Variants in ZNF131 observed in about 807,000 individuals in gnomAD.
The protein encoded by ZNF131 is zinc finger and BTB domain containing 35.
Under a neutral mutation model 60.0 loss-of-function variants are expected in ZNF131, and 7 were observed. The ratio of observed to expected loss-of-function variants is 0.12; its 90% CI spans 0.07 to 0.22. The LOEUF is 0.22. ZNF131 is among the 10% of genes least tolerant of loss of function. The pLI, the probability that ZNF131 is intolerant of heterozygous loss-of-function variation, is 1.00. For missense variants in ZNF131, 493 were observed against 740.9 expected, an observed-to-expected ratio of 0.67 and a Z score of 3.88; for synonymous variants, 257 against 253.2, an observed-to-expected ratio of 1.01 and a Z score of -0.14.
chr5:43,149,712 C>G (rs1051436182), intron 4 of ZNF131, among the ~76,000 whole-genome samples: 3 of 151,874 alleles, frequency 2.0e-5, no homozygotes, highest in African/African-American at 7.3e-5. Context: ...TATGGTCAGG[C>G]TTTTTTTTAT....
rs6864539 is a variant in ZNF131 at position 43,170,434 on chromosome 5, C to T, written c.1055-2884C>T. On this transcript the variant is annotated intron_variant, in intron 5 of 6. Transcript: ENST00000682664. ...TCCTGGAATCATTCAGTTATTTACT[C>T]CTACCTGCTGGTTGCTGAGGACTGC... Among the ~76,000 whole-genome samples, 706 of 152,304 alleles carry T rather than the reference C, an allele frequency of 4.6e-3. 5 individuals carry two copies. The highest frequency in any genetic ancestry group is 0.016 in the African/African-American group (680 of 41,562).
At chr5:43,158,199 C>A (rs192422897) in intron 4 of ZNF131, among the ~76,000 whole-genome samples, 10 of 152,348 alleles carry the variant, frequency 6.6e-5, no homozygotes, top group African/African-American at 2.4e-4. Flanking sequence ...AACTCCCGAC[C>A]TCAGTTGATC....
chr5:43,166,724 CGGCTCACTGCA>C (rs2112035194), intron 5 of ZNF131, among the ~76,000 whole-genome samples: 1 of 152,052 alleles, frequency 6.6e-6, no homozygotes, highest in South Asian at 2.1e-4. Context: ...GGCGTGATCT[CGGCTCACTGCA>C]ACCTCTGCCT....
chr5:43,137,247 A>C (rs768023468), intron 3 of ZNF131, among the ~76,000 whole-genome samples: 10 of 152,150 alleles, frequency 6.6e-5, no homozygotes, highest in Non-Finnish European at 1.2e-4. Flanking sequence ...ACAGCAAAGG[A>C]AACAACTGAG....
chr5:43,142,397 C>T (rs997792848), intron 4 of ZNF131, among the ~76,000 whole-genome samples: 16 of 145,830 alleles, frequency 1.1e-4, no homozygotes, highest in Non-Finnish European at 1.8e-4. Context: ...CCGCCTCCCC[C>T]GGGTTCAAGC....
At chr5:43,128,750 G>A (rs1323906683) in intron 3 of ZNF131, among the ~76,000 whole-genome samples, 3 of 151,252 alleles carry the variant, frequency 2.0e-5, no homozygotes, top group African/African-American at 7.3e-5. Flanking sequence ...CAAAGATCAG[G>A]TACCAGTACT....
intron 3 of ZNF131, among the ~76,000 whole-genome samples, chr5:43,129,071 T>C (rs1744966083): frequency 6.6e-6 from 1 of 152,122 alleles, no homozygotes; most frequent in Non-Finnish European, 1.5e-5. Context: ...GTAGCTGGAA[T>C]TAAGGCTCCC....
At chr5:43,163,354 T>C (rs1000591150) in intron 5 of ZNF131, among the ~76,000 whole-genome samples, 12 of 152,220 alleles carry the variant, frequency 7.9e-5, no homozygotes, top group Non-Finnish European at 1.3e-4. Flanking sequence ...TGTTCATCTC[T>C]CTCCACCTTT....
intron 4 of ZNF131, among the ~76,000 whole-genome samples, chr5:43,156,715 C>G (rs1159696804): frequency 1.3e-5 from 2 of 152,126 alleles, no homozygotes; most frequent in South Asian, 4.1e-4. Context: ...TGACTTGACT[C>G]AGGTTTGACT....
In ZNF131 at chr5:43,174,923, A is replaced by G. The variant is rs1751411032; in HGVS notation, c.1662A>G (p.Glu554=). The part of the protein sequence containing the change: ...HVERVNQMPV[E]VQTELLEADL... Reference sequence around the variant, plus strand: ...AACGGGTCAATCAAATGCCAGTGGAAGTACAAACTGAACTTCTAGAAGCAG... The same window carrying G: ...AACGGGTCAATCAAATGCCAGTGGAGGTACAAACTGAACTTCTAGAAGCAG... Residue 554 remains glutamate, a synonymous_variant, in exon 7 of 7, where the codon GAA becomes GAG. Coordinates refer to ENST00000682664, the MANE Select transcript of ZNF131 (RefSeq NM_001330707.2). The G allele has an allele frequency of 6.2e-7, 1 of 1,614,058 alleles. No homozygotes were observed. The highest frequency in any genetic ancestry group is 1.3e-5 in the African/African-American group (1 of 74,910).
intron 4 of ZNF131, among the ~76,000 whole-genome samples, chr5:43,158,584 C>G (rs1749250519): frequency 6.6e-6 from 1 of 152,256 alleles, no homozygotes; most frequent in African/African-American, 2.4e-5. Flanking sequence ...GCCACCGCGC[C>G]CGGCCAGACG....
intron 4 of ZNF131, 115 bp downstream of exon 4, chr5:43,139,424 A>T: frequency 8.9e-7 from 1 of 1,124,014 alleles, no homozygotes; most frequent in Non-Finnish European, 1.2e-6. Context: ...CAGAAGAATT[A>T]AGAATATTTA....
chr5:43,172,114 G>T (rs1395829850), intron 5 of ZNF131, among the ~76,000 whole-genome samples: 2 of 152,144 alleles, frequency 1.3e-5, no homozygotes, highest in African/African-American at 4.8e-5. Flanking sequence ...ACTCACTCTT[G>T]CCCCATGGCA....
At chr5:43,161,956 A>AT (rs769364327) in intron 5 of ZNF131, 25 bp downstream of exon 5, 55 of 1,532,012 alleles carry the variant, frequency 3.6e-5, no homozygotes, top group Middle Eastern at 1.8e-4. Context: ...CTTTGTTAAA[A>AT]TTTTTTTTTC....
chr5:43,144,831 C>T (rs1031900299), intron 4 of ZNF131, among the ~76,000 whole-genome samples: 5 of 151,536 alleles, frequency 3.3e-5, no homozygotes, highest in African/African-American at 4.8e-5. Flanking sequence ...TGCATATGTT[C>T]TTTTCATTTC....
chr5:43,151,426 A>ATTTTG (rs1284440959), intron 4 of ZNF131, among the ~76,000 whole-genome samples: 19 of 151,688 alleles, frequency 1.3e-4, no homozygotes, highest in South Asian at 8.3e-4. Context: ...GTAAGTCGTC[A>ATTTTG]TTTTGTTTCG....
chr5:43,162,217 AAAT>A (rs766379696), intron 5 of ZNF131, among the ~76,000 whole-genome samples: 2 of 152,244 alleles, frequency 1.3e-5, no homozygotes, highest in Non-Finnish European at 2.9e-5. Flanking sequence ...TAAAGATCGT[AAAT>A]AATTAAATCT....
rs1238190465 is a variant in ZNF131, at chr5:43,174,952, T to G, written c.1691T>G (p.Leu564Trp). 6.2e-7 allele frequency: 1 copy of G among 1,614,114 alleles called. No homozygotes were observed. Among genetic ancestry groups the G allele is most frequent in the East Asian group, 2.2e-5 (1 of 44,884 alleles). Residue 564 changes from leucine to tryptophan, a missense_variant, in exon 7 of 7, where the codon TTG becomes TGG. Around this residue, in one of 7 missense-constraint regions of ZNF131, gnomAD observed 202 missense variants for 221.3 expected, o/e 0.91. Transcript: ENST00000682664. ...CAAACTGAACTTCTAGAAGCAGATTTGGACCACGTGACCCCAGAAATCATG... is the reference window on the plus strand; with the variant it reads ...CAAACTGAACTTCTAGAAGCAGATTGGGACCACGTGACCCCAGAAATCATG... The part of the protein sequence containing the change: ...EVQTELLEAD[L>W]DHVTPEIMNQ...
intron 2 of ZNF131, among the ~76,000 whole-genome samples, 165 bp from the exon 3 acceptor site, chr5:43,123,044 C>T (rs780203405): frequency 6.6e-6 from 1 of 152,158 alleles, no homozygotes; most frequent in Non-Finnish European, 1.5e-5. Flanking sequence ...TAACATTTGC[C>T]AAGATAGCTG....
Sources: allele counts gnomAD v4.1 joint callset (sites outside exome capture counted in the v4.1 genomes callset), GRCh38; gene constraint gnomAD v4.1.1; regional missense constraint gnomAD v4.1.1; transcripts MANE v1.5; gene names NCBI Gene and HGNC (gene_info 2026-07-23, HGNC 2026-07-21).